Variants in ATCAY observed in about 807,000 individuals in gnomAD.
ATCAY encodes the protein ATCAY kinesin light chain interacting caytaxin, also known as caytaxin.
A neutral mutation model predicts 47.7 loss-of-function variants in ATCAY; 22 were observed. The ratio of observed to expected loss-of-function variants is 0.46; its 90% confidence interval spans 0.33 to 0.66. The LOEUF is 0.66. Among genes scored for constraint, ATCAY ranks in the 30% least tolerant of loss-of-function variants. ATCAY has a pLI of 0.02. For missense variants in ATCAY, 452 were observed against 515.0 expected, an observed-to-expected ratio of 0.88 and a Z score of 1.18; for synonymous variants, 216 against 207.6, an observed-to-expected ratio of 1.04 and a Z score of -0.35.
chr19:3,886,719 CTT>C lies in ATCAY; in HGVS notation c.77+892_77+893del, dbSNP rs546816341. Among the ~76,000 whole-genome samples, 26 of 131,380 alleles carry C rather than the reference CTT, an allele frequency of 2.0e-4. 1 individual carries two copies. Among genetic ancestry groups the C allele is most frequent in the Middle Eastern group, 7.9e-3 (2 of 254 alleles). The allele number at this position is 131,380 out of a possible 152,430, so 86.2% of individuals were successfully genotyped here. ...CACTTACCTCCCCTAACATGCTGAA[CTT>C]TTTTTTTTTTTTTTTTGAGTCTCAC... On this transcript the variant is annotated intron_variant, in intron 2 of 12. Coordinates refer to ENST00000450849, the MANE Select transcript of ATCAY (RefSeq NM_033064.5).
chr19:3,894,416 G>A (rs1216145084), intron 2 of ATCAY, among the ~76,000 whole-genome samples: 1 of 150,522 alleles, frequency 6.6e-6, no homozygotes, highest in South Asian at 2.1e-4. Context: ...CCCGGGAGGC[G>A]GAGCTTGCAG....
At chr19:3,889,445 A>T (rs1005903611) in intron 2 of ATCAY, among the ~76,000 whole-genome samples, 13 of 151,996 alleles carry the variant, frequency 8.6e-5, no homozygotes, top group Admixed American at 6.6e-4. Context: ...AAATAAAAAA[A>T]AATTAGTCAG....
chr19:3,911,587 A>G (rs10413457), intron 8 of ATCAY, among the ~76,000 whole-genome samples: 3,272 of 147,704 alleles, frequency 0.022, 100 homozygotes, highest in African/African-American at 0.076. Context: ...TAATAAATTT[A>G]AAATTTAAAA....
chr19:3,918,139 C>G (rs889895185), intron 10 of ATCAY, among the ~76,000 whole-genome samples: 14 of 152,044 alleles, frequency 9.2e-5, no homozygotes, highest in African/African-American at 3.4e-4. Context: ...AATCCCAGCA[C>G]TTTGGGAGGC....
At chr19:3,916,964 C>T (rs576260288) in intron 9 of ATCAY, among the ~76,000 whole-genome samples, 110 of 152,042 alleles carry the variant, frequency 7.2e-4, no homozygotes, top group African/African-American at 2.6e-3. Context: ...CCTGCCACCA[C>T]GCCCAGCTAA....
chr19:3,880,869 G>T lies in ATCAY; in HGVS notation c.-181G>T, dbSNP rs1402765200. On this transcript the variant is annotated 5_prime_UTR_variant, in exon 1 of 13. Transcript: ENST00000450849. ...CACGTCGCCCTGGGTGACCTTCCTC[G>T]GATGCAGAATCCGCCCCTGCGAGCA... 6.6e-6 allele frequency: 1 copy of T among 152,374 alleles called. No individual in the cohort carries two copies. Among genetic ancestry groups the T allele is most frequent in the Non-Finnish European group, 1.5e-5 (1 of 68,188 alleles). The allele number at this position is 152,374 out of a possible 1,614,324, so 9.4% of individuals were successfully genotyped here.
At position 3,920,812 on chromosome 19, in the gene ATCAY, A is replaced by G. The variant is rs759462116; in HGVS notation, c.1106+14A>G. On this transcript the variant is annotated intron_variant, in intron 12 of 12. Transcript: ENST00000450849. ...TCAGGAAACAAGGTGGGTGTGATGC[A>G]GAGTGGTCTTCGTGCTGTTTTCAAA... The G allele has an allele frequency of 6.2e-7, 1 of 1,613,576 alleles. No homozygotes were observed. The highest frequency in any genetic ancestry group is 1.1e-5 in the South Asian group (1 of 91,016).
At chr19:3,886,176 C>T (rs2038651683) in intron 2 of ATCAY, among the ~76,000 whole-genome samples, 2 of 152,188 alleles carry the variant, frequency 1.3e-5, no homozygotes, top group Non-Finnish European at 2.9e-5. Context: ...TGGCTGGGCG[C>T]GGCGGTTCAC....
At chr19:3,898,676 G>GTTGT (rs746138288) in intron 2 of ATCAY, among the ~76,000 whole-genome samples, 75 of 152,070 alleles carry the variant, frequency 4.9e-4, no homozygotes, top group Admixed American at 7.2e-4. Flanking sequence ...ATGGACTGGT[G>GTTGT]TTGTTTGTTT....
At chr19:3,894,989 G>A (rs1316448638) in intron 2 of ATCAY, 1 of 357,602 alleles carries the variant, frequency 2.8e-6, no homozygotes, top group East Asian at 7.5e-5. Flanking sequence ...CCTCAATGAG[G>A]CCTTCCCTGA....
In ATCAY at chr19:3,920,785, G is replaced by A. The variant is rs1173977246; in HGVS notation, c.1093G>A (p.Asp365Asn). The A allele has an allele frequency of 6.2e-7, 1 of 1,613,812 alleles. No individual in the cohort carries two copies. The highest frequency in any genetic ancestry group is 8.5e-7 in the Non-Finnish European group (1 of 1,179,784). ...VENRSALVSE[D>N]QETSMS Reference sequence around the variant, plus strand: ...CCACAGGTCTGCTCTGGTCTCAGAAGATCAGGAAACAAGGTGGGTGTGATG... The same window carrying A: ...CCACAGGTCTGCTCTGGTCTCAGAAAATCAGGAAACAAGGTGGGTGTGATG... Residue 365 changes from aspartate (D) to asparagine (N), a missense_variant, in exon 12 of 13, where the codon GAT becomes AAT. Asp to Asn is a conservative substitution (Grantham distance 23). Coordinates refer to ENST00000450849, the MANE Select transcript of ATCAY (RefSeq NM_033064.5).
At chr19:3,923,388 G>T (rs1489804756) in intron 12 of ATCAY, among the ~76,000 whole-genome samples, 1 of 152,066 alleles carries the variant, frequency 6.6e-6, no homozygotes, top group Non-Finnish European at 1.5e-5. Flanking sequence ...CACAAAAGAA[G>T]GAATTGTAAG....
intron 2 of ATCAY, among the ~76,000 whole-genome samples, chr19:3,901,990 ACT>A (rs747569335): frequency 2.7e-5 from 4 of 149,302 alleles, no homozygotes; most frequent in Non-Finnish European, 4.5e-5. Flanking sequence ...ACAGAGCGAG[ACT>A]CTGTCTCAAA....
intron 8 of ATCAY, among the ~76,000 whole-genome samples, chr19:3,913,352 T>G (rs1035141351): frequency 1.3e-4 from 20 of 152,106 alleles, no homozygotes; most frequent in Non-Finnish European, 2.6e-4. Context: ...CCCAGCTGAG[T>G]GTTGGCTGTG....
intron 8 of ATCAY, among the ~76,000 whole-genome samples, chr19:3,911,314 C>T (rs527839381): frequency 3.3e-5 from 5 of 151,922 alleles, no homozygotes; most frequent in South Asian, 2.1e-4. Flanking sequence ...TGCAATGAGC[C>T]GTGATCGAGC....
chr19:3,924,789 G>A lies in ATCAY; in HGVS notation c.*197G>A, dbSNP rs1052649116. ...AAACATTGTATTTTTTTTTTTTAAC[G>A]ATGCAGTATTTGTGCGTTCCAGAAA... On this transcript the variant is annotated 3_prime_UTR_variant, in exon 13 of 13. Transcript: ENST00000450849. 19 of 592,732 alleles carry A rather than the reference G, an allele frequency of 3.2e-5. No homozygotes were observed. Among genetic ancestry groups the A allele is most frequent in the Non-Finnish European group, 4.4e-5 (15 of 339,590 alleles). 36.7% of individuals were successfully genotyped at this position (592,732 alleles called of 1,614,324 possible).
At chr19:3,915,339 ATT>A (rs55746542) in intron 9 of ATCAY, among the ~76,000 whole-genome samples, 1,858 of 127,174 alleles carry the variant, frequency 0.015, 26 homozygotes, top group African/African-American at 0.039. Context: ...TGCCTGGCTA[ATT>A]TTTTTTTTTT....
chr19:3,885,374 C>T (rs1316193031), intron 1 of ATCAY, among the ~76,000 whole-genome samples: 2 of 151,576 alleles, frequency 1.3e-5, no homozygotes, highest in South Asian at 2.1e-4. Context: ...GCCAACATGG[C>T]GAAACCCTGT....
At chr19:3,924,228 A>AGG (rs2039046317) in intron 12 of ATCAY, among the ~76,000 whole-genome samples, 2 of 82,578 alleles carry the variant, frequency 2.4e-5, no homozygotes, top group African/African-American at 1.2e-4. Context: ...TGGGTGAGTG[A>AGG]GTGTGTGGAT....
Sources: gnomAD v4.1 joint callset for allele counts (sites outside exome capture counted in the v4.1 genomes callset) on GRCh38, gnomAD v4.1.1 for gene constraint, MANE v1.5 for transcripts, NCBI Gene and HGNC (gene_info 2026-07-23, HGNC 2026-07-21) for gene names.